The following ATM variants were observed in gnomAD, a reference collection of about 807,000 sequenced individuals.
ATM encodes the protein ATM serine/threonine kinase.
In ATM, 308 loss-of-function variants were observed where a neutral mutation model predicts 387.0. The observed-to-expected ratio is 0.80, with a 90% CI of 0.73 to 0.87. ATM has a LOEUF of 0.87. Ranked by LOEUF, ATM falls within the 40% of genes least tolerant of loss-of-function variation. ATM has a pLI of 0.00. For missense variants in ATM, 3,312 were observed against 3,560.9 expected (o/e 0.93, Z 1.78); for synonymous variants, 1,156 against 1,187.3 (o/e 0.97, Z 0.54).
chr11:108,272,257 T>TGA (rs2135561679), intron 20 of ATM, among the ~76,000 whole-genome samples: 1 of 152,280 alleles, frequency 6.6e-6, no homozygotes, highest in Admixed American at 6.5e-5. Context: ...CTAAAGTAAG[T>TGA]TTACTGTAAT....
chr11:108,240,758 T>C (rs907822990), intron 5 of ATM, among the ~76,000 whole-genome samples: 1 of 152,170 alleles, frequency 6.6e-6, no homozygotes, highest in African/African-American at 2.4e-5. Context: ...AAATGTGTGG[T>C]AATGTAAAGG....
chr11:108,285,975 C>A (rs2082470158), intron 26 of ATM, among the ~76,000 whole-genome samples: 1 of 152,170 alleles, frequency 6.6e-6, no homozygotes, highest in Admixed American at 6.5e-5. Context: ...GAAACTCTTG[C>A]CTCAAGAATG....
In ATM at chr11:108,226,973, A is replaced by T. The variant is rs183666845; in HGVS notation, c.-30-622A>T. The T allele has an allele frequency of 1.6e-3, 236 of 151,950 alleles. 2 individuals are homozygous for T. Among genetic ancestry groups the T allele is most frequent in the Non-Finnish European group, 2.1e-3 (144 of 68,048 alleles). The allele number at this position is 151,950 out of a possible 1,614,324, so 9.4% of individuals were successfully genotyped here. A position where few individuals can be genotyped will look rare whatever the true frequency, so the allele number is the denominator to read the frequency against. On this transcript the variant is annotated intron_variant, in intron 1 of 62. Transcript: ENST00000675843. ...ATTCATCTTTCATGTCTCAATTTAAATGTCATGTTTCTTTGGTCTCAGAGT... is the reference window on the plus strand; with the variant it reads ...ATTCATCTTTCATGTCTCAATTTAATTGTCATGTTTCTTTGGTCTCAGAGT...
chr11:108,250,712 CA>C lies in ATM; in HGVS notation c.1249del (p.Thr417ProfsTer3), dbSNP rs786203166. ...TTTTTTTTTTTTAGGCTACAGATTG[CA>C]ACCCAATTAATATCAAAGTATCCTG... ...DFDLVPWLQI[A>X]TQLISKYPAS... On this transcript the variant is annotated frameshift_variant, in exon 10 of 63. Coordinates refer to ENST00000675843, the MANE Select transcript of ATM (RefSeq NM_000051.4). LOFTEE classifies it high-confidence loss of function. 6.3e-7 allele frequency: 1 copy of C among 1,592,430 alleles called. No individual in the cohort carries two copies. Among genetic ancestry groups the C allele is most frequent in the Non-Finnish European group, 8.5e-7 (1 of 1,174,000 alleles).
In ATM at chr11:108,312,489, A is replaced by T; in HGVS notation, c.5997A>T (p.Ile1999=). 6.4e-7 allele frequency: 1 copy of T among 1,562,768 alleles called. No individual in the cohort carries two copies. Among genetic ancestry groups the T allele is most frequent in the South Asian group, 1.1e-5 (1 of 89,916 alleles). ...LSEKSKEETG[I]SLQDLLLEIY... ...AAAAAAGTAAAGAAGAAACTGGAAT[A>T]AGTTTACAGGTAAATATTAGAGGCT... Residue 1999 remains isoleucine, a synonymous_variant, in exon 40 of 63, where the codon ATA becomes ATT. Transcript: ENST00000675843.
At chr11:108,272,953 C>A in intron 22 of ATM, 101 bp downstream of exon 22, 1 of 1,455,156 alleles carries the variant, frequency 6.9e-7, no homozygotes, top group Non-Finnish European at 9.6e-7. Context: ...AAATAGCTAA[C>A]ACTTGTTGAG....
intron 34 of ATM, 29 bp from the exon 35 acceptor site, chr11:108,301,619 T>A (rs557372564): frequency 6.2e-7 from 1 of 1,613,028 alleles, no homozygotes; most frequent in East Asian, 2.2e-5. Context: ...ACTGGTGTAC[T>A]TGATAGGCAT....
rs587781323 is a variant in ATM, at chr11:108,329,144, A to G, written c.7213A>G (p.Met2405Val). 1.9e-6 allele frequency: 3 copies of G among 1,614,156 alleles called. No individual in the cohort carries two copies. Among genetic ancestry groups the G allele is most frequent in the South Asian group, 2.2e-5 (2 of 91,082 alleles). The change falls in exon 49 of 63, where the codon ATG becomes GTG. Residue 2405 changes from methionine to valine, a missense_variant. Transcript: ENST00000675843. ...DTQYQRIENY[M>V]KSSEFENKQA... ...TCAATACCAAAGAATTGAAAACTAC[A>G]TGAAATCATCGGAATTTGAAAACAA...
intron 28 of ATM, 57 bp downstream of exon 28, chr11:108,289,160 A>T (rs1312528962): frequency 6.6e-7 from 1 of 1,523,304 alleles, no homozygotes; most frequent in African/African-American, 1.4e-5. Flanking sequence ...AGCTAAAAAA[A>T]CTTTGTAAAT....
rs1001303564 is a variant in ATM, at chr11:108,281,072, G to A, written c.3480G>A (p.Val1160=). 6.2e-7 allele frequency: 1 copy of A among 1,613,726 alleles called. No homozygotes were observed. Among genetic ancestry groups the A allele is most frequent in the Non-Finnish European group, 8.5e-7 (1 of 1,179,830 alleles). The change falls in exon 24 of 63, where the codon GTG becomes GTA. Residue 1160 remains valine (V), a synonymous_variant. Transcript: ENST00000675843. ...RKSVLLTLIA[V]VLSCSPICEK... is the part of the protein sequence containing the mutation. The stretch of plus-strand genomic sequence containing the variant: ...CTGTTTTACTGACGTTGATAGCTGT[G>A]GTTTTATCCTGTAGCCCTATCTGCG...
At chr11:108,262,442 T>C (rs1233116622) in intron 16 of ATM, among the ~76,000 whole-genome samples, 1 of 152,162 alleles carries the variant, frequency 6.6e-6, no homozygotes, top group Non-Finnish European at 1.5e-5. Context: ...CTGAGAGATT[T>C]TGTCACCACC....
intron 22 of ATM, among the ~76,000 whole-genome samples, chr11:108,273,877 C>T (rs2081768494): frequency 6.6e-6 from 1 of 152,132 alleles, no homozygotes; most frequent in African/African-American, 2.4e-5. Context: ...CAGGATGATG[C>T]TGGCATCATA....
At position 108,247,101 on chromosome 11, in the gene ATM, G is replaced by T. The variant is rs529202615; in HGVS notation, c.1039G>T (p.Glu347Ter). Residue 347 changes from glutamate to a stop codon, truncating the protein, a stop_gained, in exon 8 of 63, where the codon GAA becomes TAA. Transcript: ENST00000675843. LOFTEE classifies it high-confidence loss of function. ...TATTGCCGTCAAAGAAAATTTGATT[G>T]AATTGATGGCAGATATCTGTCACCA... Reference protein sequence around the residue: ...RNIAVKENLIELMADICHQVF... With the variant: ...RNIAVKENLI The T allele has an allele frequency of 1.9e-6, 3 of 1,613,788 alleles. No individual in the cohort carries two copies. The Admixed American group carries it at 5.0e-5, about 27-fold the overall frequency.
chr11:108,359,102 T>C (rs1200729756), intron 61 of ATM, among the ~76,000 whole-genome samples: 6 of 148,458 alleles, frequency 4.0e-5, no homozygotes, highest in Non-Finnish European at 6.0e-5. Context: ...TGGAGGAAGA[T>C]CTACCAAGCA....
At chr11:108,291,799 C>G (rs2082811330) in intron 29 of ATM, among the ~76,000 whole-genome samples, 1 of 152,196 alleles carries the variant, frequency 6.6e-6, no homozygotes, top group Non-Finnish European at 1.5e-5. Context: ...GCCATGCTTG[C>G]ATTGCTTGGG....
chr11:108,270,357 T>TA (rs1176005356), intron 18 of ATM, among the ~76,000 whole-genome samples: 3 of 152,222 alleles, frequency 2.0e-5, no homozygotes, highest in Non-Finnish European at 4.4e-5. Flanking sequence ...AGTGGAGACT[T>TA]ACAGTTTCAG....
chr11:108,240,359 G>T (rs1312644483), intron 5 of ATM, among the ~76,000 whole-genome samples: 1 of 151,938 alleles, frequency 6.6e-6, no homozygotes, highest in Admixed American at 6.6e-5. Context: ...GGATCTTTTT[G>T]CTATCTCCAT....
rs2091359920 is a variant in ATM, at chr11:108,366,891, T to C, written c.*1383T>C. 2 of 227,828 alleles carry C rather than the reference T, an allele frequency of 8.8e-6. No homozygotes were observed. The highest frequency in any genetic ancestry group is 1.3e-4 in the East Asian group (2 of 15,890). The allele number at this position is 227,828 out of a possible 1,614,324, so 14.1% of individuals were successfully genotyped here. A position where few individuals can be genotyped will look rare whatever the true frequency, so the allele number is the denominator to read the frequency against. On this transcript the variant is annotated 3_prime_UTR_variant, in exon 63 of 63. Coordinates refer to ENST00000675843, the MANE Select transcript of ATM (RefSeq NM_000051.4). ...AGCCCTGGGTTCTTTGCTCCCCATA[T>C]AGATGTCTAAGCTAAAAGCCGTGGG...
At chr11:108,356,508 C>A (rs980123085) in intron 61 of ATM, among the ~76,000 whole-genome samples, 1 of 148,708 alleles carries the variant, frequency 6.7e-6, no homozygotes, top group Non-Finnish European at 1.5e-5. Context: ...TGCCCTCCAG[C>A]CTGGGCGACA....
Sources: allele counts gnomAD v4.1 joint callset (sites outside exome capture counted in the v4.1 genomes callset), GRCh38; gene constraint gnomAD v4.1.1; transcripts MANE v1.5; gene names NCBI Gene and HGNC (gene_info 2026-07-23, HGNC 2026-07-21).